USP49: variants seen among roughly 807,000 people sequenced by gnomAD.
The protein encoded by USP49 is ubiquitin carboxyl-terminal hydrolase 49.
Under a neutral mutation model 58.6 loss-of-function variants are expected in USP49, and 24 were observed. That is an observed-to-expected ratio of 0.41 (90% CI 0.30 to 0.58). The LOEUF (loss-of-function observed/expected upper bound fraction) is 0.58, where lower values mean the gene tolerates loss of function less well. Ranked by LOEUF, USP49 falls within the 20% of genes least tolerant of loss-of-function variation. The probability of loss-of-function intolerance (pLI) is 0.30; values close to 1 mark genes in which losing one functional copy is unlikely to be tolerated. For missense variants in USP49, 703 were observed against 866.1 expected (o/e 0.81, Z 2.36); for synonymous variants, 408 against 365.1 (o/e 1.12, Z -1.34).
At chr6:41,883,145 A>T (rs948897220) in intron 2 of USP49, among the ~76,000 whole-genome samples, 12 of 152,104 alleles carry the variant, frequency 7.9e-5, no homozygotes, top group Non-Finnish European at 1.8e-4. Flanking sequence ...AACTAGAAAT[A>T]AAAATTAAAC....
At chr6:41,881,966 T>G (rs777540075) in intron 2 of USP49, among the ~76,000 whole-genome samples, 2 of 151,918 alleles carry the variant, frequency 1.3e-5, no homozygotes, top group Non-Finnish European at 2.9e-5. Context: ...AATCTCAATC[T>G]TAATCAAAAT....
At chr6:41,879,214 A>G (rs762838570) in intron 2 of USP49, among the ~76,000 whole-genome samples, 2 of 152,126 alleles carry the variant, frequency 1.3e-5, no homozygotes, top group Non-Finnish European at 2.9e-5. Context: ...GGCTAACATA[A>G]CGAGACTCTG....
In USP49 at chr6:41,796,450, C is replaced by A; in HGVS notation, c.*83G>T. On this transcript the variant is annotated 3_prime_UTR_variant, in exon 8 of 8. Transcript: ENST00000682992. ...AGCAAGGCAAACCTAGTAATCTGTT[C>A]CTGCAGTAGCCTTATTTCCTATAAG... 1 of 657,276 alleles carries A rather than the reference C, an allele frequency of 1.5e-6. No homozygotes were observed. The highest frequency in any genetic ancestry group is 2.8e-6 in the Non-Finnish European group (1 of 355,940). 40.7% of individuals were successfully genotyped at this position (657,276 alleles called of 1,614,324 possible). A position where few individuals can be genotyped will look rare whatever the true frequency, so the allele number is the denominator to read the frequency against.
chr6:41,820,380 C>A (rs1335861013), intron 3 of USP49, among the ~76,000 whole-genome samples: 1 of 152,114 alleles, frequency 6.6e-6, no homozygotes, highest in African/African-American at 2.4e-5. Context: ...CTCCCTACCA[C>A]CACCCTTAGT....
chr6:41,837,339 G>A (rs968019403), intron 3 of USP49, among the ~76,000 whole-genome samples: 2 of 151,980 alleles, frequency 1.3e-5, no homozygotes, highest in East Asian at 1.9e-4. Flanking sequence ...CAACAAAGTC[G>A]ACAAAAGCAA....
chr6:41,885,226 C>A (rs77280896), intron 2 of USP49, among the ~76,000 whole-genome samples: 2,492 of 152,276 alleles, frequency 0.016, 52 homozygotes, highest in African/African-American at 0.05. Context: ...ACTCATTATG[C>A]CATGCTGCTA....
intron 4 of USP49, among the ~76,000 whole-genome samples, chr6:41,804,747 GTT>G (rs1017230116): frequency 1.3e-5 from 2 of 151,694 alleles, no homozygotes; most frequent in Non-Finnish European, 1.5e-5. Flanking sequence ...ACGTTTTTTT[GTT>G]TGTTTTTTGG....
intron 3 of USP49, among the ~76,000 whole-genome samples, chr6:41,810,668 TCC>T (rs2127326822): frequency 6.7e-6 from 1 of 149,498 alleles, no homozygotes; most frequent in South Asian, 2.2e-4. Flanking sequence ...TGCCTCAGCC[TCC>T]CTAGTAGCTG....
At chr6:41,878,748 T>A (rs963699075) in intron 2 of USP49, among the ~76,000 whole-genome samples, 4 of 152,208 alleles carry the variant, frequency 2.6e-5, no homozygotes. Context: ...TTATGAATAT[T>A]TATTATACTT....
intron 5 of USP49, among the ~76,000 whole-genome samples, chr6:41,802,468 A>ATTTTTTT (rs1178634996): frequency 4.1e-5 from 3 of 73,904 alleles, no homozygotes; most frequent in African/African-American, 1.6e-4. Context: ...TTATTTATTT[A>ATTTTTTT]TTTTTTATTT....
At position 41,795,114 on chromosome 6, in the gene USP49, A is replaced by G. The variant is rs1371127511; in HGVS notation, c.*1419T>C. ...ACTGTACTTCTACCTGAATTCAAAC[A>G]TTAATATGATATACTCAGTCAAAAG... On this transcript the variant is annotated 3_prime_UTR_variant, in exon 8 of 8. Transcript: ENST00000682992. 6.6e-6 allele frequency: 1 copy of G among 152,226 alleles called. No individual in the cohort carries two copies. The highest frequency in any genetic ancestry group is 1.5e-5 in the Non-Finnish European group (1 of 68,038). 9.4% of individuals were successfully genotyped at this position (152,226 alleles called of 1,614,324 possible).
intron 3 of USP49, among the ~76,000 whole-genome samples, 187 bp from the exon 4 acceptor site, chr6:41,807,198 G>C (rs187669746): frequency 2.0e-5 from 3 of 152,012 alleles, no homozygotes; most frequent in Non-Finnish European, 2.9e-5. Context: ...TAAAGGCAGA[G>C]AGTTACAGGA....
At chr6:41,835,032 A>C (rs1773701775) in intron 3 of USP49, among the ~76,000 whole-genome samples, 1 of 152,202 alleles carries the variant, frequency 6.6e-6, no homozygotes, top group Non-Finnish European at 1.5e-5. Context: ...GATGATTCTT[A>C]AGGAGATGAA....
chr6:41,848,609 C>T (rs775096469), intron 3 of USP49, among the ~76,000 whole-genome samples: 8 of 151,880 alleles, frequency 5.3e-5, no homozygotes, highest in South Asian at 2.1e-4. Context: ...CTGTAATCCC[C>T]GCACTTTGGG....
intron 3 of USP49, among the ~76,000 whole-genome samples, chr6:41,824,395 C>T (rs568814021): frequency 6.6e-6 from 1 of 151,332 alleles, no homozygotes; most frequent in South Asian, 2.1e-4. Context: ...AATAAAAGTC[C>T]AATTTAGATG....
chr6:41,860,992 G>A (rs1390097584), intron 3 of USP49, among the ~76,000 whole-genome samples: 2 of 152,012 alleles, frequency 1.3e-5, no homozygotes, highest in Non-Finnish European at 2.9e-5. Context: ...AGCTGGGCAT[G>A]GTGGCACACG....
chr6:41,879,215 C>G (rs995515799), intron 2 of USP49, among the ~76,000 whole-genome samples: 3 of 152,028 alleles, frequency 2.0e-5, no homozygotes, highest in African/African-American at 7.2e-5. Context: ...GCTAACATAA[C>G]GAGACTCTGC....
chr6:41,874,485 T>A (rs550139943), intron 2 of USP49, among the ~76,000 whole-genome samples: 1 of 152,290 alleles, frequency 6.6e-6, no homozygotes, highest in East Asian at 1.9e-4. Flanking sequence ...CTGATAACAG[T>A]GTTTAATGTG....
At chr6:41,833,277 A>G (rs1582009936) in intron 3 of USP49, among the ~76,000 whole-genome samples, 2 of 152,012 alleles carry the variant, frequency 1.3e-5, no homozygotes, top group East Asian at 3.9e-4. Context: ...CGGCCTCCCA[A>G]AATGCTGGGA....
Sources: gnomAD v4.1 joint callset for allele counts (sites outside exome capture counted in the v4.1 genomes callset) on GRCh38, gnomAD v4.1.1 for gene constraint, MANE v1.5 for transcripts, NCBI Gene and HGNC (gene_info 2026-07-23, HGNC 2026-07-21) for gene names.